The following GPR39 variants were observed in gnomAD, a reference collection of about 807,000 sequenced individuals.
GPR39 encodes G protein-coupled receptor 39.
A neutral mutation model predicts 18.4 loss-of-function variants in GPR39; 23 were observed. The ratio of observed to expected loss-of-function variants is 1.25; its 90% CI spans 0.90 to 1.77. The LOEUF is 1.77. GPR39 is among the 40% of genes most tolerant of loss of function. The probability of loss-of-function intolerance (pLI) is 0.00; values close to 1 mark genes in which losing one functional copy is unlikely to be tolerated. For missense variants in GPR39, 647 were observed against 602.4 expected, an observed-to-expected ratio of 1.07 and a Z score of -0.78; for synonymous variants, 280 against 257.9, an observed-to-expected ratio of 1.09 and a Z score of -0.82.
chr2:132,603,486 T>C (rs1472646724), intron 1 of GPR39, among the ~76,000 whole-genome samples: 1 of 152,148 alleles, frequency 6.6e-6, no homozygotes, highest in Non-Finnish European at 1.5e-5. Flanking sequence ...GTTAATGATA[T>C]ATCGTATGTT....
At chr2:132,569,649 C>A (rs759802821) in intron 1 of GPR39, among the ~76,000 whole-genome samples, 155 of 151,914 alleles carry the variant, frequency 1.0e-3, no homozygotes, top group Non-Finnish European at 1.9e-3. Flanking sequence ...GGGGTCCCAT[C>A]GTTCCCTAGA....
chr2:132,479,906 A>G lies in GPR39; in HGVS notation c.856+62008A>G, dbSNP rs1458454225. On this transcript the variant is annotated intron_variant, in intron 1 of 1. Transcript: ENST00000329321. ...CTCAAAGAAATATTTGTAGACCCAC[A>G]TTCATAGCAGCACCGTTTGCCATAG... Among the ~76,000 whole-genome samples, 4 of 151,734 alleles carry G rather than the reference A, an allele frequency of 2.6e-5. No homozygotes were observed. The East Asian group carries it at 7.8e-4, about 30-fold the overall frequency.
At chr2:132,634,911 T>C (rs368003353) in intron 1 of GPR39, among the ~76,000 whole-genome samples, 1 of 152,182 alleles carries the variant, frequency 6.6e-6, no homozygotes, top group African/African-American at 2.4e-5. Context: ...GAAAAAGAAA[T>C]GAGTTTTTAG....
At chr2:132,466,625 C>T (rs899842228) in intron 1 of GPR39, among the ~76,000 whole-genome samples, 2 of 152,128 alleles carry the variant, frequency 1.3e-5, no homozygotes, top group Non-Finnish European at 2.9e-5. Flanking sequence ...CAGGCCTGGA[C>T]CCTTTTGAGG....
chr2:132,571,002 C>G (rs1023782888), intron 1 of GPR39, among the ~76,000 whole-genome samples: 3 of 152,166 alleles, frequency 2.0e-5, no homozygotes, highest in African/African-American at 7.2e-5. Context: ...GCTCAGTGCG[C>G]TGTAGGGACT....
At chr2:132,531,024 G>A (rs1303133445) in intron 1 of GPR39, among the ~76,000 whole-genome samples, 1 of 152,164 alleles carries the variant, frequency 6.6e-6, no homozygotes, top group Non-Finnish European at 1.5e-5. Flanking sequence ...AAATGTAAAT[G>A]GGTTAAATGC....
At chr2:132,539,209 T>A (rs553369434) in intron 1 of GPR39, among the ~76,000 whole-genome samples, 53 of 152,122 alleles carry the variant, frequency 3.5e-4, no homozygotes, top group Non-Finnish European at 6.9e-4. Context: ...GGGAATCTAC[T>A]GATCTGTGGA....
At chr2:132,597,375 C>G (rs1275217425) in intron 1 of GPR39, among the ~76,000 whole-genome samples, 1 of 152,202 alleles carries the variant, frequency 6.6e-6, no homozygotes, top group Non-Finnish European at 1.5e-5. Context: ...CTGGATTTCA[C>G]CACCTCATTC....
intron 1 of GPR39, among the ~76,000 whole-genome samples, chr2:132,618,650 C>T (rs1209647565): frequency 6.6e-6 from 1 of 152,144 alleles, no homozygotes; most frequent in Admixed American, 6.5e-5. Flanking sequence ...TGGGAGGCCA[C>T]ACATGCACCA....
At chr2:132,565,454 G>A (rs1393688296) in intron 1 of GPR39, among the ~76,000 whole-genome samples, 2 of 148,082 alleles carry the variant, frequency 1.4e-5, no homozygotes, top group East Asian at 2.0e-4. Context: ...CATTGTGCAG[G>A]TTAGTTACAT....
chr2:132,463,823 C>T lies in GPR39; in HGVS notation c.856+45925C>T, dbSNP rs144033923. Reference sequence around the variant, plus strand: ...TCTGCTGGTTTTGCTTGGGCTCACTCGTTCAACCACGGGATGGGCAGGACT... The same window carrying T: ...TCTGCTGGTTTTGCTTGGGCTCACTTGTTCAACCACGGGATGGGCAGGACT... On this transcript the variant is annotated intron_variant, in intron 1 of 1. Coordinates refer to ENST00000329321, the MANE Select transcript of GPR39 (RefSeq NM_001508.3). Among the ~76,000 whole-genome samples the T allele has an allele frequency of 2.7e-3, 410 of 152,318 alleles. 5 individuals carry two copies. Among genetic ancestry groups the T allele is most frequent in the Admixed American group, 8.9e-3 (136 of 15,302 alleles).
Position 132,645,691 on chromosome 2 carries a change from C to A in GPR39, c.*85C>A. 6.6e-7 allele frequency: 1 copy of A among 1,508,908 alleles called. No individual in the cohort carries two copies. 93.5% of individuals were successfully genotyped at this position (1,508,908 alleles called of 1,614,324 possible). On this transcript the variant is annotated 3_prime_UTR_variant, in exon 2 of 2. Transcript: ENST00000329321. Reference sequence around the variant, plus strand: ...CTCACTCTGCAGTCTCAAACTATGCCCCCATCAGGGATGGAATGGACACTG... The same window carrying A: ...CTCACTCTGCAGTCTCAAACTATGCACCCATCAGGGATGGAATGGACACTG...
At chr2:132,435,969 CAA>C (rs1680312165) in intron 1 of GPR39, among the ~76,000 whole-genome samples, 1 of 152,162 alleles carries the variant, frequency 6.6e-6, no homozygotes, top group South Asian at 2.1e-4. Flanking sequence ...TTTCAGAAAG[CAA>C]AAGTGTCAGC....
chr2:132,645,772 C>A lies in GPR39; in HGVS notation c.*166C>A. ...AGTGACTTCTAAGGACTGACTCTGC[C>A]AGCCTGGCCTTGACTCCGGTTACAC... is the stretch of plus-strand genomic sequence containing the variant. On this transcript the variant is annotated 3_prime_UTR_variant, in exon 2 of 2. Coordinates refer to ENST00000329321, the MANE Select transcript of GPR39 (RefSeq NM_001508.3). 2 of 1,003,146 alleles carry A rather than the reference C, an allele frequency of 2.0e-6. No individual in the cohort carries two copies. Among genetic ancestry groups the A allele is most frequent in the Non-Finnish European group, 2.8e-6 (2 of 703,808 alleles). The allele number at this position is 1,003,146 out of a possible 1,614,324, so 62.1% of individuals were successfully genotyped here. A position where few individuals can be genotyped will look rare whatever the true frequency, so the allele number is the denominator to read the frequency against.
chr2:132,546,780 G>A (rs112209947), intron 1 of GPR39, among the ~76,000 whole-genome samples: 8 of 133,770 alleles, frequency 6.0e-5, no homozygotes, highest in Middle Eastern at 4.5e-3. Flanking sequence ...GGCAGAGAGA[G>A]CCTCCATCTG....
chr2:132,570,921 C>A (rs1257151575), intron 1 of GPR39, among the ~76,000 whole-genome samples: 2 of 152,110 alleles, frequency 1.3e-5, no homozygotes, highest in African/African-American at 4.8e-5. Flanking sequence ...AAGGGTGGGG[C>A]CTATTGCTTT....
At chr2:132,495,642 C>G (rs1483332810) in intron 1 of GPR39, among the ~76,000 whole-genome samples, 1 of 152,168 alleles carries the variant, frequency 6.6e-6, no homozygotes, top group East Asian at 1.9e-4. Flanking sequence ...CATCAGCCAG[C>G]AATAAATGGA....
intron 1 of GPR39, among the ~76,000 whole-genome samples, chr2:132,477,477 G>A (rs1205994932): frequency 6.6e-6 from 1 of 152,112 alleles, no homozygotes; most frequent in Non-Finnish European, 1.5e-5. Context: ...GAGGTGAGAG[G>A]CTCACGTGAG....
At chr2:132,447,700 GA>G (rs1680562508) in intron 1 of GPR39, among the ~76,000 whole-genome samples, 1 of 152,170 alleles carries the variant, frequency 6.6e-6, no homozygotes, top group Admixed American at 6.5e-5. Flanking sequence ...GGAGCAATTA[GA>G]AAAGAATCCA....
Sources: gnomAD v4.1 joint callset for allele counts (sites outside exome capture counted in the v4.1 genomes callset) on GRCh38, gnomAD v4.1.1 for gene constraint, MANE v1.5 for transcripts, NCBI Gene and HGNC (gene_info 2026-07-23, HGNC 2026-07-21) for gene names.